LRRTM4: variants seen among roughly 807,000 people sequenced by gnomAD.
LRRTM4 encodes leucine rich repeat transmembrane neuronal 4, also known as leucine-rich repeat transmembrane neuronal protein 4.
In LRRTM4, 25 loss-of-function variants were observed where a neutral mutation model predicts 47.6. The ratio of observed to expected loss-of-function variants is 0.53; its 90% CI spans 0.38 to 0.73. LRRTM4 has a LOEUF of 0.73. Ranked by LOEUF, LRRTM4 falls within the 30% of genes least tolerant of loss-of-function variation. LRRTM4 has a pLI of 0.00. For missense variants in LRRTM4, 638 were observed against 713.4 expected, an observed-to-expected ratio of 0.89 and a Z score of 1.20; for synonymous variants, 311 against 269.5, an observed-to-expected ratio of 1.15 and a Z score of -1.51.
chr2:76,779,244 T>C (rs1406271222), intron 3 of LRRTM4, among the ~76,000 whole-genome samples: 15 of 147,454 alleles, frequency 1.0e-4, no homozygotes, highest in South Asian at 4.4e-4. Context: ...TGTGTTGATT[T>C]GGGGTGGAGA....
At chr2:76,908,131 A>C (rs1351033501) in intron 3 of LRRTM4, among the ~76,000 whole-genome samples, 1 of 150,388 alleles carries the variant, frequency 6.6e-6, no homozygotes, top group Non-Finnish European at 1.5e-5. Flanking sequence ...AGCACATCAA[A>C]AAGCTTATCC....
rs551421060 is a variant in LRRTM4 at position 77,158,527 on chromosome 2, A to AT, written c.1551+359790dup. 2.1e-3 allele frequency among the ~76,000 whole-genome samples: 322 copies of AT among 152,006 alleles called. 1 individual carries two copies. Among genetic ancestry groups the AT allele is most frequent in the African/African-American group, 7.4e-3 (306 of 41,482 alleles). ...GTTATGTATTTCATGGGCACTGCCT[A>AT]TTTTTTTACCTTTTTTTTGCAATAT... is the stretch of plus-strand genomic sequence containing the variant. On this transcript the variant is annotated intron_variant, in intron 3 of 3. Coordinates refer to ENST00000409884, the MANE Select transcript of LRRTM4 (RefSeq NM_001134745.3).
intron 3 of LRRTM4, among the ~76,000 whole-genome samples, chr2:77,309,253 T>C (rs1419709290): frequency 6.6e-6 from 1 of 152,164 alleles, no homozygotes; most frequent in African/African-American, 2.4e-5. Flanking sequence ...GACAGGTCTT[T>C]CAGGAAGAGT....
At chr2:76,785,559 G>GTGTT (rs560318183) in intron 3 of LRRTM4, among the ~76,000 whole-genome samples, 8 of 152,186 alleles carry the variant, frequency 5.3e-5, no homozygotes, top group African/African-American at 1.9e-4. Flanking sequence ...GGTGTTTCTA[G>GTGTT]TGTTTAGATT....
intron 3 of LRRTM4, among the ~76,000 whole-genome samples, chr2:77,019,454 G>A (rs920783007): frequency 6.6e-6 from 1 of 152,032 alleles, no homozygotes; most frequent in South Asian, 2.1e-4. Context: ...ACCTCAGGAA[G>A]GTTATAAACC....
At chr2:77,294,052 T>A (rs1364028222) in intron 3 of LRRTM4, among the ~76,000 whole-genome samples, 1 of 152,166 alleles carries the variant, frequency 6.6e-6, no homozygotes, top group Admixed American at 6.6e-5. Context: ...ACCACATAGA[T>A]GCATGTGTGT....
intron 3 of LRRTM4, among the ~76,000 whole-genome samples, chr2:77,015,359 CAG>C (rs1361706036): frequency 2.0e-5 from 3 of 151,880 alleles, no homozygotes; most frequent in African/African-American, 7.3e-5. Context: ...TTTTTTGAGA[CAG>C]AGTCTTGCTC....
At chr2:77,110,329 A>G (rs1671215812) in intron 3 of LRRTM4, among the ~76,000 whole-genome samples, 1 of 152,110 alleles carries the variant, frequency 6.6e-6, no homozygotes, top group South Asian at 2.1e-4. Context: ...TACAGAACCA[A>G]ATAAAATACA....
chr2:76,953,983 CTCT>C (rs994032094), intron 3 of LRRTM4, among the ~76,000 whole-genome samples: 1 of 151,800 alleles, frequency 6.6e-6, no homozygotes, highest in African/African-American at 2.4e-5. Flanking sequence ...ACTGACAAGC[CTCT>C]TCAACAGAGA....
Position 77,344,991 on chromosome 2 carries a change from T to C in LRRTM4, c.1551+173327A>G, listed in dbSNP as rs575765392. 1.1e-3 allele frequency among the ~76,000 whole-genome samples: 168 copies of C among 151,510 alleles called. 1 individual carries two copies. The highest frequency in any genetic ancestry group is 3.9e-3 in the African/African-American group (161 of 41,422). ...TTATATAAATAGATAGGGAAATAAT[T>C]ATATAAATAGTTATTGATAATATAA... On this transcript the variant is annotated intron_variant, in intron 3 of 3. Transcript: ENST00000409884.
intron 3 of LRRTM4, chr2:77,517,741 C>G: frequency 1.0e-6 from 1 of 983,510 alleles, no homozygotes; most frequent in Non-Finnish European, 1.2e-6. Context: ...TACAATTACA[C>G]AGTAGGCCTC....
At chr2:76,778,369 G>C (rs1168130279) in intron 3 of LRRTM4, among the ~76,000 whole-genome samples, 2 of 140,926 alleles carry the variant, frequency 1.4e-5, no homozygotes, top group South Asian at 2.3e-4. Flanking sequence ...GGTAGAATTC[G>C]GCTGTGAATC....
At chr2:77,016,793 C>T (rs1678086620) in intron 3 of LRRTM4, among the ~76,000 whole-genome samples, 1 of 152,066 alleles carries the variant, frequency 6.6e-6, no homozygotes, top group African/African-American at 2.4e-5. Context: ...TCACCTATTG[C>T]CTTGTTCAAC....
chr2:77,028,298 T>G (rs1265944649), intron 3 of LRRTM4, among the ~76,000 whole-genome samples: 2 of 152,018 alleles, frequency 1.3e-5, no homozygotes, highest in African/African-American at 4.8e-5. Context: ...AAATAGAACA[T>G]CAGAAGCCAA....
chr2:77,123,385 C>T (rs934456185), intron 3 of LRRTM4, among the ~76,000 whole-genome samples: 6 of 151,974 alleles, frequency 3.9e-5, no homozygotes, highest in African/African-American at 9.7e-5. Flanking sequence ...GCCTTAATTA[C>T]GTAAAAACAG....
chr2:77,045,899 C>A (rs1490218590), intron 3 of LRRTM4, among the ~76,000 whole-genome samples: 1 of 151,882 alleles, frequency 6.6e-6, no homozygotes, highest in Admixed American at 6.6e-5. Flanking sequence ...TAGTTTTTTA[C>A]ACTTGGTTTG....
chr2:77,197,316 T>C (rs1010141982), intron 3 of LRRTM4, among the ~76,000 whole-genome samples: 1 of 152,200 alleles, frequency 6.6e-6, no homozygotes, highest in African/African-American at 2.4e-5. Context: ...GTTAACATAG[T>C]AAGATATATT....
chr2:77,094,798 A>G (rs1030799442), intron 3 of LRRTM4, among the ~76,000 whole-genome samples: 3 of 152,188 alleles, frequency 2.0e-5, no homozygotes, highest in African/African-American at 7.2e-5. Flanking sequence ...GGGATGAAAG[A>G]CTTACATGTA....
At chr2:77,434,457 A>C (rs1675512079) in intron 3 of LRRTM4, among the ~76,000 whole-genome samples, 1 of 152,160 alleles carries the variant, frequency 6.6e-6, no homozygotes, top group Non-Finnish European at 1.5e-5. Context: ...TAAAAAAAAA[A>C]AAAACTAATG....
Sources: gnomAD v4.1 joint callset for allele counts (sites outside exome capture counted in the v4.1 genomes callset) on GRCh38, gnomAD v4.1.1 for gene constraint, MANE v1.5 for transcripts, NCBI Gene and HGNC (gene_info 2026-07-23, HGNC 2026-07-21) for gene names.